SLC44A5: variants seen among roughly 807,000 people sequenced by gnomAD.
SLC44A5 encodes solute carrier family 44 member 5, also known as choline transporter-like protein 5.
In SLC44A5, 57 loss-of-function variants were observed where a neutral mutation model predicts 101.8. That is an observed-to-expected ratio of 0.56 (90% CI 0.45 to 0.70). SLC44A5 has a LOEUF of 0.70. Ranked by LOEUF, SLC44A5 falls within the 30% of genes least tolerant of loss-of-function variation. The probability of loss-of-function intolerance (pLI) is 0.00; values close to 1 mark genes in which losing one functional copy is unlikely to be tolerated. For synonymous variants in SLC44A5, 281 were observed against 290.9 expected (o/e 0.97, Z 0.35); for missense variants, 737 against 853.1 (o/e 0.86, Z 1.70).
chr1:75,339,548 A>T (rs1657705234), intron 4 of SLC44A5, 34 bp downstream of exon 4: 9 of 1,576,360 alleles, frequency 5.7e-6, no homozygotes, highest in African/African-American at 1.4e-5. Flanking sequence ...GTGTATGTTT[A>T]AAAAAGCATA....
At chr1:75,223,421 A>G (rs895793002) in intron 13 of SLC44A5, among the ~76,000 whole-genome samples, 1 of 152,226 alleles carries the variant, frequency 6.6e-6, no homozygotes, top group Non-Finnish European at 1.5e-5. Context: ...ATCCTTAATT[A>G]AATAATAACT....
chr1:75,327,496 T>C (rs1185079523), intron 4 of SLC44A5, among the ~76,000 whole-genome samples: 1 of 152,208 alleles, frequency 6.6e-6, no homozygotes, highest in Non-Finnish European at 1.5e-5. Flanking sequence ...TGAAAAGCTA[T>C]TCCTTTTCTT....
At chr1:75,444,451 G>GAA (rs1185998092) in intron 2 of SLC44A5, among the ~76,000 whole-genome samples, 31 of 130,780 alleles carry the variant, frequency 2.4e-4, no homozygotes, top group African/African-American at 7.1e-4. Flanking sequence ...AAGAAAGAAA[G>GAA]AAAGAAAAAG....
chr1:75,536,443 CAA>C (rs58913392), intron 2 of SLC44A5, among the ~76,000 whole-genome samples: 2 of 149,830 alleles, frequency 1.3e-5, no homozygotes, highest in African/African-American at 2.4e-5. Context: ...ACTAAAAATA[CAA>C]AAAAAATTGG....
At position 75,568,308 on chromosome 1, in the gene SLC44A5, C is replaced by CA. The variant is rs34285676; in HGVS notation, c.-69-26793dup. On this transcript the variant is annotated intron_variant, in intron 1 of 23. Transcript: ENST00000370859. ...TAAAAATCCATTAGGAAACTGGTAC[C>CA]AAAAAAAAATCAGGATAAACCCAAC... is the stretch of plus-strand genomic sequence containing the variant. 5.5e-3 allele frequency among the ~76,000 whole-genome samples: 835 copies of CA among 150,762 alleles called. 7 individuals carry two copies. Among genetic ancestry groups the CA allele is most frequent in the African/African-American group, 0.019 (785 of 41,114 alleles).
chr1:75,426,825 A>G lies in SLC44A5; in HGVS notation c.14-30204T>C, dbSNP rs535979113. 5.3e-5 allele frequency among the ~76,000 whole-genome samples: 8 copies of G among 152,340 alleles called. No individual in the cohort carries two copies. In the South Asian group the frequency reaches 1.7e-3, roughly 32 times the overall value. ...AAGAAGCAGGGAGAGAAGAGAATCT[A>G]TTCTAGCGGCACTGATAGCAGCAGC... On this transcript the variant is annotated intron_variant, in intron 2 of 23. Coordinates refer to ENST00000370859, the MANE Select transcript of SLC44A5 (RefSeq NM_001130058.2).
chr1:75,527,238 A>G (rs1670463037), intron 2 of SLC44A5, among the ~76,000 whole-genome samples: 2 of 150,272 alleles, frequency 1.3e-5, no homozygotes, highest in African/African-American at 2.5e-5. Flanking sequence ...GAGAGAGAGA[A>G]AAAGTGAGAG....
chr1:75,219,001 GACCAT>G lies in SLC44A5; in HGVS notation c.1266+251_1267-250del, dbSNP rs565860301. 2.5e-3 allele frequency among the ~76,000 whole-genome samples: 387 copies of G among 152,134 alleles called. 1 individual carries two copies. The highest frequency in any genetic ancestry group is 4.7e-3 in the Non-Finnish European group (319 of 67,990). Reference sequence around the variant, plus strand: ...TTTCACATTTATCAGTGTTGTTGTTGACCATACCTACTTTCTATGGTCTTGGGTAT... The same window carrying G: ...TTTCACATTTATCAGTGTTGTTGTTGACCTACTTTCTATGGTCTTGGGTAT... On this transcript the variant is annotated intron_variant, in intron 16 of 23. Transcript: ENST00000370859.
At chr1:75,543,648 T>TACACATATATAC (rs1671483229) in intron 1 of SLC44A5, among the ~76,000 whole-genome samples, 2 of 135,606 alleles carry the variant, frequency 1.5e-5, no homozygotes, top group Non-Finnish European at 3.1e-5. Flanking sequence ...CACATATATA[T>TACACATATATAC]ACACATATAT....
chr1:75,514,792 AT>A (rs779106708), intron 2 of SLC44A5, among the ~76,000 whole-genome samples: 1 of 152,144 alleles, frequency 6.6e-6, no homozygotes, highest in Non-Finnish European at 1.5e-5. Flanking sequence ...TTCCAGTACA[AT>A]TTTGGGGTAC....
the SLC44A5 span, chr1:75,642,128 T>C: frequency 2.1e-6 from 2 of 944,420 alleles, no homozygotes; most frequent in African/African-American, 3.4e-5. Context: ...AAGTGATATA[T>C]ATTAAAACTG....
chr1:75,476,008 C>G lies in SLC44A5; in HGVS notation c.13+65427G>C, dbSNP rs189221045. 1.9e-3 allele frequency among the ~76,000 whole-genome samples: 287 copies of G among 152,222 alleles called. 1 individual carries two copies. Among genetic ancestry groups the G allele is most frequent in the African/African-American group, 6.4e-3 (265 of 41,538 alleles). ...GACCAGCCTGACCAATATGGTGAAG[C>G]TCTGTCTCTACTAAAAATACAAAAA... On this transcript the variant is annotated intron_variant, in intron 2 of 23. Transcript: ENST00000370859.
the SLC44A5 span, among the ~76,000 whole-genome samples, chr1:75,680,595 G>T: frequency 6.6e-6 from 1 of 151,156 alleles, no homozygotes; most frequent in Non-Finnish European, 1.5e-5. Context: ...CAGAATCTCT[G>T]GGACGCATTC....
chr1:75,322,441 C>A (rs1478102066), intron 4 of SLC44A5, among the ~76,000 whole-genome samples: 1 of 151,966 alleles, frequency 6.6e-6, no homozygotes, highest in Non-Finnish European at 1.5e-5. Flanking sequence ...GTAATGATTT[C>A]AAATTAGCAC....
chr1:75,698,625 C>T, the SLC44A5 span, among the ~76,000 whole-genome samples: 1 of 152,238 alleles, frequency 6.6e-6, no homozygotes, highest in South Asian at 2.1e-4. Flanking sequence ...CGCAGTTCCT[C>T]ACCAGCAATG....
At chr1:75,206,657 G>A (rs772682631) in intron 23 of SLC44A5, 1 of 1,613,150 alleles carries the variant, frequency 6.2e-7, no homozygotes, top group Admixed American at 1.7e-5. Context: ...AGAATTCCAT[G>A]CAGGTTAGGG....
At chr1:75,705,750 T>C in the SLC44A5 span, among the ~76,000 whole-genome samples, 1 of 152,302 alleles carries the variant, frequency 6.6e-6, no homozygotes, top group South Asian at 2.1e-4. Context: ...CAATCTCGGC[T>C]CACAGCAACC....
chr1:75,305,588 A>G (rs1395593916), intron 4 of SLC44A5, among the ~76,000 whole-genome samples: 4 of 152,126 alleles, frequency 2.6e-5, no homozygotes, highest in Non-Finnish European at 4.4e-5. Context: ...GTTTTAACCA[A>G]TTTGGACTTT....
chr1:75,585,076 G>A (rs1673919813), intron 1 of SLC44A5, among the ~76,000 whole-genome samples: 2 of 152,134 alleles, frequency 1.3e-5, no homozygotes, highest in Non-Finnish European at 2.9e-5. Flanking sequence ...TCAACCCTGG[G>A]ACTTCCTGGT....
Sources: gnomAD v4.1 joint callset for allele counts (sites outside exome capture counted in the v4.1 genomes callset) on GRCh38, gnomAD v4.1.1 for gene constraint, MANE v1.5 for transcripts, NCBI Gene and HGNC (gene_info 2026-07-23, HGNC 2026-07-21) for gene names.